The following PDXDC1 variants were observed in gnomAD, a reference collection of about 807,000 sequenced individuals.
PDXDC1 encodes the protein pyridoxal-dependent decarboxylase domain-containing protein 1.
Under a neutral mutation model 100.1 loss-of-function variants are expected in PDXDC1, and 42 were observed. The ratio of observed to expected loss-of-function variants is 0.42; its 90% CI spans 0.33 to 0.54. PDXDC1 has a LOEUF of 0.54. Ranked by LOEUF, PDXDC1 falls within the 20% of genes least tolerant of loss-of-function variation. PDXDC1 has a pLI of 0.10. For synonymous variants in PDXDC1, 260 were observed against 371.7 expected, an observed-to-expected ratio of 0.70 and a Z score of 3.46; for missense variants, 636 against 979.2, an observed-to-expected ratio of 0.65 and a Z score of 4.68.
intron 16 of PDXDC1, chr16:15,065,267 G>C: frequency 1.2e-6 from 2 of 1,613,834 alleles, no homozygotes; most frequent in South Asian, 1.1e-5. Context: ...CAGCGGGTTT[G>C]TGCAGATCTG....
At chr16:14,977,269 CTTTTTTTTTTT>C (rs5816116) in intron 1 of PDXDC1, among the ~76,000 whole-genome samples, 9 of 95,044 alleles carry the variant, frequency 9.5e-5, no homozygotes, top group Non-Finnish European at 1.7e-4. Flanking sequence ...ATGGGACTTA[CTTTTTTTTTTT>C]TTTTTTTTTT....
intron 16 of PDXDC1, among the ~76,000 whole-genome samples, chr16:15,122,807 G>A (rs1330100526): frequency 4.2e-4 from 55 of 129,630 alleles, no homozygotes; most frequent in African/African-American, 1.5e-3. Context: ...GGACTGGGCG[G>A]GATCTGAGTT....
chr16:15,000,986 T>C (rs1456258360), intron 3 of PDXDC1, among the ~76,000 whole-genome samples: 1 of 151,120 alleles, frequency 6.6e-6, no homozygotes. Flanking sequence ...GCCTTTTTGC[T>C]CTTATTACAT....
chr16:15,145,529 A>C, the PDXDC1 span, among the ~76,000 whole-genome samples: 1 of 152,254 alleles, frequency 6.6e-6, no homozygotes, highest in Non-Finnish European at 1.5e-5. Context: ...GCCTGTCTTC[A>C]GATCATGGCG....
intron 16 of PDXDC1, among the ~76,000 whole-genome samples, chr16:15,073,790 A>AC (rs2045339496): frequency 6.6e-6 from 1 of 151,972 alleles, no homozygotes; most frequent in East Asian, 1.9e-4. Flanking sequence ...TATTATTACG[A>AC]CTTTTTTTTT....
At chr16:15,130,201 C>A (rs1305054506) in intron 16 of PDXDC1, 2 of 1,549,588 alleles carry the variant, frequency 1.3e-6, no homozygotes, top group Non-Finnish European at 1.7e-6. Flanking sequence ...GGGTCACTCA[C>A]AGGAAACACA....
At chr16:15,005,304 CAA>C (rs74858191) in intron 5 of PDXDC1, among the ~76,000 whole-genome samples, 4 of 54,678 alleles carry the variant, frequency 7.3e-5, no homozygotes, top group Non-Finnish European at 4.0e-5. Flanking sequence ...GACTCTGTCT[CAA>C]AAAAAAAAAA....
At chr16:15,052,260 A>G (rs539608862) in intron 16 of PDXDC1, among the ~76,000 whole-genome samples, 4 of 152,218 alleles carry the variant, frequency 2.6e-5, no homozygotes, top group Non-Finnish European at 4.4e-5. Flanking sequence ...GTGACACCGA[A>G]GTTTTAATTT....
chr16:15,074,791 A>G (rs777924685), intron 16 of PDXDC1: 1 of 1,614,126 alleles, frequency 6.2e-7, no homozygotes, highest in Non-Finnish European at 8.5e-7. Context: ...GCGCTCGGCT[A>G]CAGGATGCAC....
intron 16 of PDXDC1, among the ~76,000 whole-genome samples, chr16:15,111,681 C>T (rs1215422916): frequency 5.8e-5 from 8 of 138,816 alleles, no homozygotes; most frequent in Non-Finnish European, 1.3e-4. Flanking sequence ...CTGCTTGAAC[C>T]CAAGAGGCAG....
At chr16:15,097,043 C>T (rs1272109898) in intron 16 of PDXDC1, among the ~76,000 whole-genome samples, 1 of 152,102 alleles carries the variant, frequency 6.6e-6, no homozygotes, top group Non-Finnish European at 1.5e-5. Flanking sequence ...AGGAGGATAA[C>T]TTGAAGCCAG....
chr16:15,145,633 C>A, the PDXDC1 span, among the ~76,000 whole-genome samples: 2 of 152,254 alleles, frequency 1.3e-5, no homozygotes, highest in Non-Finnish European at 2.9e-5. Context: ...CAGATGTAGC[C>A]CTTCTCCTGC....
At chr16:15,137,660 C>G (rs564155573) in intron 16 of PDXDC1, 59 of 1,261,416 alleles carry the variant, frequency 4.7e-5, no homozygotes, top group South Asian at 3.3e-4. Flanking sequence ...AGCCCCCCCC[C>G]AGAGAGGCCT....
In PDXDC1 at chr16:15,053,274, C is replaced by G. The variant is rs933178331; in HGVS notation, c.1399+23218C>G. ...GCCTGGGGCCAGTTTCCCAGCCTCT[C>G]TGTGCCCCACAGTCCTCATCTGTAA... is the stretch of plus-strand genomic sequence containing the variant. On this transcript the variant is annotated intron_variant, in intron 16 of 16. Coordinates refer to the PDXDC1 transcript ENST00000535621. Among the ~76,000 whole-genome samples the G allele has an allele frequency of 7.2e-5, 11 of 152,330 alleles. No individual in the cohort carries two copies. The East Asian group carries it at 9.6e-4, about 13-fold the overall frequency.
chr16:15,134,170 C>A (rs1232032017), intron 16 of PDXDC1: 1 of 1,319,346 alleles, frequency 7.6e-7, no homozygotes, highest in Non-Finnish European at 1.1e-6. Flanking sequence ...GGGACCCATC[C>A]CCAGCCCGCC....
intron 16 of PDXDC1, chr16:15,063,117 A>C (rs2044782773): frequency 9.0e-7 from 1 of 1,105,826 alleles, no homozygotes; most frequent in Non-Finnish European, 1.4e-6. Context: ...CGCACGAACG[A>C]CTTGCCACTT....
At chr16:15,144,289 G>A (rs2048519886), downstream of PDXDC1, among the ~76,000 whole-genome samples, 1 of 152,358 alleles carries the variant, frequency 6.6e-6, no homozygotes, top group East Asian at 1.9e-4. Context: ...TTCCCTCTGC[G>A]CTGTGCTCCT....
chr16:15,143,689 C>T (rs553027862), downstream of PDXDC1, among the ~76,000 whole-genome samples: 1 of 152,348 alleles, frequency 6.6e-6, no homozygotes, highest in South Asian at 2.1e-4. Context: ...TCGGGGCGTG[C>T]AACAGTGGGA....
intron 7 of PDXDC1, among the ~76,000 whole-genome samples, chr16:15,009,152 T>TAG (rs1162339320): frequency 6.6e-6 from 1 of 152,286 alleles, no homozygotes; most frequent in African/African-American, 2.4e-5. Flanking sequence ...TTTAATGAGT[T>TAG]AGCACTGTTG....
Sources: allele counts gnomAD v4.1 joint callset (sites outside exome capture counted in the v4.1 genomes callset), GRCh38; gene constraint gnomAD v4.1.1; transcripts MANE v1.5; gene names NCBI Gene and HGNC (gene_info 2026-07-23, HGNC 2026-07-21).